Variants in RCC2 observed in about 807,000 individuals in gnomAD.
The protein encoded by RCC2 is protein RCC2.
In RCC2, 19 loss-of-function variants were observed where a neutral mutation model predicts 64.1. That is an observed-to-expected ratio of 0.30 (90% CI 0.21 to 0.44). The LOEUF is 0.44. RCC2 is among the 20% of genes least tolerant of loss of function. RCC2 has a pLI of 1.00. For synonymous variants in RCC2, 325 were observed against 279.6 expected, an observed-to-expected ratio of 1.16 and a Z score of -1.62; for missense variants, 508 against 710.4, an observed-to-expected ratio of 0.72 and a Z score of 3.24.
intron 2 of RCC2, among the ~76,000 whole-genome samples, chr1:17,434,825 T>C (rs545856072): frequency 5.9e-5 from 9 of 152,298 alleles, no homozygotes; most frequent in African/African-American, 2.2e-4. Context: ...AAGTCTTGTG[T>C]TGGGAGGCGG....
chr1:17,417,692 AC>A (rs1466372160), intron 7 of RCC2, among the ~76,000 whole-genome samples: 1 of 151,864 alleles, frequency 6.6e-6, no homozygotes, highest in Admixed American at 6.6e-5. Context: ...CCAAAAAAAA[AC>A]AAACAAAAAA....
chr1:17,437,021 A>G (rs2800687), intron 2 of RCC2, among the ~76,000 whole-genome samples: 99,975 of 152,146 alleles, frequency 0.66, 33,074 homozygotes, highest in African/African-American at 0.72. Flanking sequence ...TTCACCCAGA[A>G]GGCACTTTTA....
In RCC2 at chr1:17,409,007, T is replaced by G. The variant is rs899774454; in HGVS notation, c.*83A>C. 1.3e-4 allele frequency: 148 copies of G among 1,100,624 alleles called. No individual in the cohort carries two copies. The highest frequency in any genetic ancestry group is 1.8e-4 in the Non-Finnish European group (131 of 718,370). 68.2% of individuals were successfully genotyped at this position (1,100,624 alleles called of 1,614,324 possible). Reference sequence around the variant, plus strand: ...TCGGTCAACTTTTGCTTTTTTAAATTCCTCGTTTGACTTCCCGTCCCAGTG... The same window carrying G: ...TCGGTCAACTTTTGCTTTTTTAAATGCCTCGTTTGACTTCCCGTCCCAGTG... On this transcript the variant is annotated 3_prime_UTR_variant, in exon 13 of 13. Transcript: ENST00000375436.
At chr1:17,419,773 G>A (rs550549578) in intron 7 of RCC2, among the ~76,000 whole-genome samples, 43 of 152,214 alleles carry the variant, frequency 2.8e-4, no homozygotes, top group Non-Finnish European at 2.9e-5. Context: ...GGCAGGAAGC[G>A]GACCGCTGCT....
intron 2 of RCC2, among the ~76,000 whole-genome samples, chr1:17,437,571 A>T (rs1417636272): frequency 2.8e-5 from 2 of 71,466 alleles, no homozygotes; most frequent in Admixed American, 1.6e-4. Context: ...GCTACAACAG[A>T]GCCCTCGCGA....
At chr1:17,438,872 C>T (rs1035252707) in intron 1 of RCC2, among the ~76,000 whole-genome samples, 4 of 152,300 alleles carry the variant, frequency 2.6e-5, no homozygotes, top group Admixed American at 6.5e-5. Context: ...GCCTCCAGTC[C>T]CCTAGATTTT....
intron 2 of RCC2, among the ~76,000 whole-genome samples, chr1:17,430,469 A>G (rs952775098): frequency 3.5e-5 from 5 of 144,506 alleles, no homozygotes; most frequent in African/African-American, 1.3e-4. Flanking sequence ...AGCTTAGGTG[A>G]CATAGCCAGG....
intron 6 of RCC2, 89 bp from the exon 7 acceptor site, chr1:17,420,917 A>G (rs2075548929): frequency 1.2e-6 from 1 of 820,658 alleles, no homozygotes; most frequent in African/African-American, 1.7e-5. Flanking sequence ...AACAATTACT[A>G]GGTTACAAAC....
intron 2 of RCC2, among the ~76,000 whole-genome samples, chr1:17,436,912 A>C (rs1046956665): frequency 4.6e-5 from 7 of 152,158 alleles, no homozygotes; most frequent in Admixed American, 2.6e-4. Context: ...GTTTCTCAAT[A>C]CTTTGGCCAT....
intron 2 of RCC2, among the ~76,000 whole-genome samples, chr1:17,436,322 G>A (rs1363647983): frequency 6.6e-6 from 1 of 152,140 alleles, no homozygotes; most frequent in Non-Finnish European, 1.5e-5. Context: ...TGGCCAACAT[G>A]GTAAAACCCA....
At chr1:17,427,918 C>T (rs927884086) in intron 3 of RCC2, among the ~76,000 whole-genome samples, 5 of 152,170 alleles carry the variant, frequency 3.3e-5, no homozygotes, top group Admixed American at 2.6e-4. Flanking sequence ...CCACGGCCTC[C>T]GGATCCCTGG....
chr1:17,438,209 T>C, intron 2 of RCC2, 21 bp downstream of exon 2: 1 of 1,239,582 alleles, frequency 8.1e-7, no homozygotes, highest in Non-Finnish European at 1.0e-6. Flanking sequence ...CGCCCACCCG[T>C]CTACCCTGAC....
intron 2 of RCC2, among the ~76,000 whole-genome samples, chr1:17,430,765 G>T (rs955674655): frequency 1.1e-4 from 17 of 151,960 alleles, no homozygotes; most frequent in Middle Eastern, 3.4e-3. Context: ...TCCCAGTGTT[G>T]CTGCCCAGGC....
chr1:17,436,134 A>T (rs2075733283), intron 2 of RCC2, among the ~76,000 whole-genome samples: 1 of 152,180 alleles, frequency 6.6e-6, no homozygotes, highest in Admixed American at 6.5e-5. Context: ...CACATATGTA[A>T]AATAATAACG....
At chr1:17,416,672 C>G (rs1280321204) in intron 7 of RCC2, 26 bp from the exon 8 acceptor site, 1 of 1,591,962 alleles carries the variant, frequency 6.3e-7, no homozygotes, top group Admixed American at 1.7e-5. Context: ...AGCCGGCCAT[C>G]AGCAGCAGCA....
chr1:17,434,760 G>C (rs1308105066), intron 2 of RCC2, among the ~76,000 whole-genome samples: 4 of 152,232 alleles, frequency 2.6e-5, no homozygotes, highest in African/African-American at 9.6e-5. Flanking sequence ...GTGTGCTGCA[G>C]AACTGATTGC....
intron 1 of RCC2, 163 bp from the exon 2 acceptor site, chr1:17,438,685 C>T (rs1020777240): frequency 1.4e-5 from 9 of 633,468 alleles, no homozygotes; most frequent in Admixed American, 4.5e-5. Context: ...GAGGAAATCG[C>T]GCCCCTCCCT....
At chr1:17,430,874 A>G (rs1371457344) in intron 2 of RCC2, among the ~76,000 whole-genome samples, 2 of 151,728 alleles carry the variant, frequency 1.3e-5, no homozygotes, top group Non-Finnish European at 1.5e-5. Context: ...GATTACAGAC[A>G]CTCAGCTAAT....
Position 17,437,397 on chromosome 1 carries a change from T to TCTGTGGGGGTGGGGAGATG in RCC2, c.285+814_285+832dup, listed in dbSNP as rs757080875. On this transcript the variant is annotated intron_variant, in intron 2 of 12. Coordinates refer to ENST00000375436, the MANE Select transcript of RCC2 (RefSeq NM_018715.4). ...ACACCACACCAAACTTAAAGAAAGT[T>TCTGTGGGGGTGGGGAGATG]CTGTGGGGGTGGGGAGATGCTGTGG... Among the ~76,000 whole-genome samples the TCTGTGGGGGTGGGGAGATG allele has an allele frequency of 3.5e-3, 540 of 152,292 alleles. 4 individuals are homozygous for TCTGTGGGGGTGGGGAGATG. Among genetic ancestry groups the TCTGTGGGGGTGGGGAGATG allele is most frequent in the Middle Eastern group, 0.014 (4 of 294 alleles).
Sources: allele counts gnomAD v4.1 joint callset (sites outside exome capture counted in the v4.1 genomes callset), GRCh38; gene constraint gnomAD v4.1.1; transcripts MANE v1.5; gene names NCBI Gene and HGNC (gene_info 2026-07-23, HGNC 2026-07-21).